DTNB: variants seen among roughly 807,000 people sequenced by gnomAD.
DTNB encodes the protein DTN-B.
A neutral mutation model predicts 90.7 loss-of-function variants in DTNB; 63 were observed. That is an observed-to-expected ratio of 0.69 (90% CI 0.57 to 0.86). The LOEUF (loss-of-function observed/expected upper bound fraction) is 0.86. Among genes scored for constraint, DTNB ranks in the 40% least tolerant of loss-of-function variants. The pLI is 0.00. For synonymous variants in DTNB, 277 were observed against 286.7 expected (o/e 0.97, Z 0.34); for missense variants, 744 against 807.1 (o/e 0.92, Z 0.95).
intron 8 of DTNB, among the ~76,000 whole-genome samples, chr2:25,564,579 G>A (rs1428643559): frequency 1.3e-5 from 2 of 151,770 alleles, no homozygotes; most frequent in African/African-American, 2.4e-5. Flanking sequence ...ATAGAGATGG[G>A]GTTTCACCAT....
chr2:25,607,393 C>A, intron 4 of DTNB, 72 bp from the exon 5 acceptor site: 1 of 1,406,256 alleles, frequency 7.1e-7, no homozygotes, highest in East Asian at 2.5e-5. Flanking sequence ...TCACTAAATA[C>A]TGAGCAACCC....
At chr2:25,385,019 C>T (rs1573648763) in intron 18 of DTNB, among the ~76,000 whole-genome samples, 1 of 152,146 alleles carries the variant, frequency 6.6e-6, no homozygotes, top group African/African-American at 2.4e-5. Flanking sequence ...GCTGGGATTA[C>T]AGACATGCAC....
intron 9 of DTNB, among the ~76,000 whole-genome samples, chr2:25,485,584 T>C (rs1378816136): frequency 6.6e-6 from 1 of 152,128 alleles, no homozygotes; most frequent in Non-Finnish European, 1.5e-5. Flanking sequence ...TATAAACTAA[T>C]CATAACTGAC....
chr2:25,406,988 A>AT (rs2149692482), intron 16 of DTNB, among the ~76,000 whole-genome samples: 1 of 152,306 alleles, frequency 6.6e-6, no homozygotes, highest in Admixed American at 6.5e-5. Context: ...TTAACAGAAA[A>AT]TTATATATAC....
chr2:25,507,612 C>T (rs553118446), intron 9 of DTNB, among the ~76,000 whole-genome samples: 1 of 152,182 alleles, frequency 6.6e-6, no homozygotes, highest in African/African-American at 2.4e-5. Context: ...TTATCCACCT[C>T]GTCCACCCAA....
chr2:25,486,603 A>C (rs2066215353), intron 9 of DTNB, among the ~76,000 whole-genome samples: 1 of 151,308 alleles, frequency 6.6e-6, no homozygotes, highest in African/African-American at 2.4e-5. Flanking sequence ...ACTGCACTCC[A>C]GCTTGGGCGA....
chr2:25,653,732 G>A (rs940334372), intron 1 of DTNB, among the ~76,000 whole-genome samples: 4 of 151,718 alleles, frequency 2.6e-5, no homozygotes, highest in Non-Finnish European at 4.4e-5. Flanking sequence ...GGCTGGTCTC[G>A]AACTCCCAGT....
chr2:25,384,107 C>G (rs1346121255), intron 18 of DTNB, among the ~76,000 whole-genome samples: 1 of 152,252 alleles, frequency 6.6e-6, no homozygotes, highest in Non-Finnish European at 1.5e-5. Context: ...CCAAAGGGAG[C>G]AGTGCGGTCA....
intron 6 of DTNB, among the ~76,000 whole-genome samples, chr2:25,592,651 A>T (rs2063785292): frequency 6.6e-6 from 1 of 151,684 alleles, no homozygotes; most frequent in South Asian, 2.1e-4. Flanking sequence ...TCATATCATT[A>T]AAAAAAAGCA....
At chr2:25,586,382 C>G (rs1429182108) in intron 6 of DTNB, among the ~76,000 whole-genome samples, 1 of 151,734 alleles carries the variant, frequency 6.6e-6, no homozygotes, top group Non-Finnish European at 1.5e-5. Flanking sequence ...CGGTGGTGGG[C>G]ACCTGTAATC....
intron 19 of DTNB, 91 bp from the exon 20 acceptor site, chr2:25,379,414 C>A: frequency 7.9e-7 from 1 of 1,266,922 alleles, no homozygotes. Flanking sequence ...CCTGACCAAC[C>A]CACCCCAGGG....
chr2:25,540,854 AAG>A (rs1203989057), intron 8 of DTNB, among the ~76,000 whole-genome samples: 1 of 152,024 alleles, frequency 6.6e-6, no homozygotes, highest in African/African-American at 2.4e-5. Context: ...CATGCTCGTT[AAG>A]AGTCATCACC....
At chr2:25,641,799 TGTAGAAGCCAGATCAACTTCAAA>T (rs1416635345) in intron 2 of DTNB, among the ~76,000 whole-genome samples, 1 of 152,136 alleles carries the variant, frequency 6.6e-6, no homozygotes. Context: ...AAATGACAAA[TGTAGAAGCCAGATCAACTTCAAA>T]GTCTTTTTTG....
chr2:25,509,367 G>A (rs1250978524), intron 9 of DTNB, among the ~76,000 whole-genome samples: 1 of 152,182 alleles, frequency 6.6e-6, no homozygotes, highest in Non-Finnish European at 1.5e-5. Flanking sequence ...TTTTAAAAAT[G>A]TGAATTGAGG....
At chr2:25,442,859 A>G (rs2057738314) in intron 12 of DTNB, among the ~76,000 whole-genome samples, 1 of 152,234 alleles carries the variant, frequency 6.6e-6, no homozygotes, top group Non-Finnish European at 1.5e-5. Flanking sequence ...GGAATCAACT[A>G]TCCTTCAGAG....
At chr2:25,542,312 C>T (rs1407960879) in intron 8 of DTNB, among the ~76,000 whole-genome samples, 1 of 152,122 alleles carries the variant, frequency 6.6e-6, no homozygotes, top group Non-Finnish European at 1.5e-5. Context: ...AGGATTTAAT[C>T]CATCAATCTA....
chr2:25,652,454 T>A, intron 2 of DTNB, 140 bp downstream of exon 2: 1 of 831,550 alleles, frequency 1.2e-6, no homozygotes, highest in Non-Finnish European at 1.7e-6. Context: ...TTCAACTCCA[T>A]GATTCTTTAA....
chr2:25,540,413 GCT>G lies in DTNB; in HGVS notation c.877-8818_877-8817del, dbSNP rs199694432. On this transcript the variant is annotated intron_variant, in intron 8 of 20. Coordinates refer to ENST00000406818, the MANE Select transcript of DTNB (RefSeq NM_021907.5). ...AACATATTTTGTATACAGCAGCCCT[GCT>G]CTTTTTTTATAAGTTGTGATAAAAC... Among the ~76,000 whole-genome samples, 658 of 152,150 alleles carry G rather than the reference GCT, an allele frequency of 4.3e-3. 4 individuals carry two copies. The highest frequency in any genetic ancestry group is 0.015 in the African/African-American group (614 of 41,486).
At chr2:25,443,149 CAGAGCA>C (rs559271759) in intron 12 of DTNB, among the ~76,000 whole-genome samples, 19 of 152,158 alleles carry the variant, frequency 1.2e-4, no homozygotes, top group African/African-American at 4.1e-4. Context: ...GCGTTAAGGC[CAGAGCA>C]ATGAAAGGCA....
Sources: gnomAD v4.1 joint callset for allele counts (sites outside exome capture counted in the v4.1 genomes callset) on GRCh38, gnomAD v4.1.1 for gene constraint, MANE v1.5 for transcripts, NCBI Gene and HGNC (gene_info 2026-07-23, HGNC 2026-07-21) for gene names.